Variants in BMP2K observed in about 807,000 individuals in gnomAD.
BMP2K encodes the protein BMP-2-inducible protein kinase.
A neutral mutation model predicts 116.0 loss-of-function variants in BMP2K; 74 were observed. That is an observed-to-expected ratio of 0.64 (90% confidence interval 0.53 to 0.77). The LOEUF (loss-of-function observed/expected upper bound fraction) is 0.77, where lower values mean the gene tolerates loss of function less well. BMP2K is among the 30% of genes least tolerant of loss of function. The pLI is 0.00. For missense variants in BMP2K, 1,365 were observed against 1,403.6 expected, an observed-to-expected ratio of 0.97 and a Z score of 0.44; for synonymous variants, 486 against 502.5, an observed-to-expected ratio of 0.97 and a Z score of 0.44.
intron 2 of BMP2K, among the ~76,000 whole-genome samples, chr4:78,827,489 G>A (rs972501701): frequency 7.2e-5 from 11 of 152,136 alleles, no homozygotes; most frequent in Admixed American, 2.6e-4. Context: ...CTGTGAGGGT[G>A]CAAAAGGAAC....
intron 1 of BMP2K, 138 bp from the exon 2 acceptor site, chr4:78,825,896 TCTA>T (rs1729845619): frequency 1.6e-6 from 1 of 618,116 alleles, no homozygotes; most frequent in Admixed American, 3.2e-5. Flanking sequence ...TGGCATTTAA[TCTA>T]CTAGTAGCTT....
intron 1 of BMP2K, among the ~76,000 whole-genome samples, chr4:78,814,965 A>G (rs1334729986): frequency 2.6e-5 from 4 of 152,112 alleles, no homozygotes; most frequent in African/African-American, 9.7e-5. Context: ...TAATTTTTCA[A>G]TGTTTTTTTC....
rs141736030 is a variant in BMP2K at position 78,790,797 on chromosome 4, A to G, written c.178+14076A>G. 6.4e-3 allele frequency among the ~76,000 whole-genome samples: 976 copies of G among 152,224 alleles called. 12 individuals carry two copies. Among genetic ancestry groups the G allele is most frequent in the African/African-American group, 0.022 (918 of 41,542 alleles). On this transcript the variant is annotated intron_variant, in intron 1 of 15. Transcript: ENST00000502613. ...GGCTGAGATGGAGTTTGAGACTGCA[A>G]TGAGCTGTGATTGTTCCACTGCACT...
chr4:78,889,220 CAAAAAAAAA>C (rs71661191), intron 15 of BMP2K, among the ~76,000 whole-genome samples: 767 of 53,740 alleles, frequency 0.014, 25 homozygotes, highest in Admixed American at 0.095. Flanking sequence ...GACTCTGTCT[CAAAAAAAAA>C]AAAAAAAAAA....
intron 1 of BMP2K, among the ~76,000 whole-genome samples, chr4:78,792,151 A>G (rs192222984): frequency 1.3e-5 from 2 of 152,312 alleles, no homozygotes; most frequent in East Asian, 1.9e-4. Flanking sequence ...AGTGTTATCT[A>G]TCTCATGAGA....
Position 78,799,478 on chromosome 4 carries a change from A to G in BMP2K, c.178+22757A>G, listed in dbSNP as rs149238170. ...TTTCATAGTGGTTATAGGTATTTATAATCAGCATGAAAATATTAGAAAGTG... is the reference window on the plus strand; with the variant it reads ...TTTCATAGTGGTTATAGGTATTTATGATCAGCATGAAAATATTAGAAAGTG... On this transcript the variant is annotated intron_variant, in intron 1 of 15. Transcript: ENST00000502613. Among the ~76,000 whole-genome samples, 553 of 152,344 alleles carry G rather than the reference A, an allele frequency of 3.6e-3. 1 individual carries two copies. The highest frequency in any genetic ancestry group is 0.013 in the African/African-American group (535 of 41,580).
intron 15 of BMP2K, among the ~76,000 whole-genome samples, chr4:78,901,212 TTTTTA>T (rs935034232): frequency 2.6e-5 from 4 of 151,380 alleles, no homozygotes; most frequent in Non-Finnish European, 4.4e-5. Context: ...CTCAGCTACT[TTTTTA>T]TTTTATTTTA....
chr4:78,888,060 C>T (rs1295787024), intron 15 of BMP2K: 1 of 152,184 alleles, frequency 6.6e-6, no homozygotes, highest in Admixed American at 6.5e-5. Flanking sequence ...GAAAAACTTA[C>T]AAATGTAAAG....
At chr4:78,898,533 A>G (rs1053464085) in intron 15 of BMP2K, among the ~76,000 whole-genome samples, 3 of 151,038 alleles carry the variant, frequency 2.0e-5, no homozygotes, top group Admixed American at 6.6e-5. Flanking sequence ...CAGGAAAGGA[A>G]TATGATTAAT....
intron 12 of BMP2K, chr4:78,872,345 A>G (rs928236428): frequency 5.0e-6 from 1 of 201,210 alleles, no homozygotes; most frequent in Non-Finnish European, 8.8e-6. Flanking sequence ...CAACCACTAT[A>G]TTAGTGACTT....
In BMP2K at chr4:78,776,572, C is replaced by T. The variant is rs928333815; in HGVS notation, c.29C>T (p.Ser10Leu). The T allele has an allele frequency of 1.7e-6, 2 of 1,144,134 alleles. No homozygotes were observed. Among genetic ancestry groups the T allele is most frequent in the Admixed American group, 4.8e-5 (1 of 20,714 alleles). The allele number at this position is 1,144,134 out of a possible 1,614,324, so 70.9% of individuals were successfully genotyped here. ...AAGAAGTTCTCTCGGATGCCCAAGT[C>T]GGAGGGCGGCAGCGGCGGCGGAGCG... The part of the protein sequence containing the change: MKKFSRMPK[S>L]EGGSGGGAAG... The change falls in exon 1 of 16, where the codon TCG becomes TTG. Residue 10 changes from serine (S) to leucine (L), a missense_variant. Transcript: ENST00000502613.
chr4:78,865,807 T>A, intron 10 of BMP2K, 87 bp downstream of exon 10: 1 of 1,340,452 alleles, frequency 7.5e-7, no homozygotes, highest in Non-Finnish European at 1.0e-6. Context: ...AGGTGATCCT[T>A]AATATTGTAA....
At position 78,910,904 on chromosome 4, in the gene BMP2K, C is replaced by T; in HGVS notation, c.2357C>T (p.Pro786Leu). 1.3e-5 allele frequency: 21 copies of T among 1,613,946 alleles called. No homozygotes were observed. The highest frequency in any genetic ancestry group is 1.7e-5 in the Non-Finnish European group (20 of 1,179,870). ...DTEPENLGHRPLLMDSEDEEE... is the reference protein window; with the variant it reads ...DTEPENLGHRLLLMDSEDEEE... ...GAACCAGAAAATCTGGGTCATAGGC[C>T]TCTCCTCATGGATTCTGAAGATGAG... The change falls in exon 16 of 16, where the codon CCT becomes CTT. Residue 786 changes from proline to leucine, a missense_variant. Transcript: ENST00000502613.
At chr4:78,896,431 G>A (rs547035217) in intron 15 of BMP2K, among the ~76,000 whole-genome samples, 2 of 152,210 alleles carry the variant, frequency 1.3e-5, no homozygotes, top group African/African-American at 2.4e-5. Flanking sequence ...TTTGACCCAG[G>A]CAAATCACCT....
At chr4:78,804,064 GA>G (rs1474908736) in intron 1 of BMP2K, among the ~76,000 whole-genome samples, 1 of 152,120 alleles carries the variant, frequency 6.6e-6, no homozygotes, top group Non-Finnish European at 1.5e-5. Flanking sequence ...ACTAATTCTA[GA>G]ACATTTTCAT....
In BMP2K at chr4:78,910,679, A is replaced by G. The variant is rs745665309; in HGVS notation, c.2132A>G (p.Asn711Ser). 2 of 1,606,150 alleles carry G rather than the reference A, an allele frequency of 1.2e-6. No homozygotes were observed. Among genetic ancestry groups the G allele is most frequent in the African/African-American group, 1.3e-5 (1 of 74,370 alleles). Residue 711 changes from asparagine (N) to serine (S), a missense_variant, in exon 16 of 16, where the codon AAC becomes AGC. By Grantham distance (46) the Asn-to-Ser change is conservative (BLOSUM62 1). This residue lies in a region of BMP2K where 596 missense variants were observed against 623.2 expected (regional missense o/e 0.96). Coordinates refer to ENST00000502613, the MANE Select transcript of BMP2K (RefSeq NM_198892.2). ...QENGTANPIK[N>S]GKTSPASKDQ... ...AATGGCACTGCAAACCCTATCAAGA[A>G]CGGTAAAACAAGTCCAGCATCTAAA...
intron 1 of BMP2K, among the ~76,000 whole-genome samples, chr4:78,807,415 T>C (rs530243615): frequency 6.6e-6 from 1 of 152,296 alleles, no homozygotes; most frequent in East Asian, 1.9e-4. Context: ...TTGTGATTTA[T>C]TTTTCTGGCT....
At chr4:78,882,627 C>CAAT (rs1455176667) in intron 14 of BMP2K, among the ~76,000 whole-genome samples, 1 of 151,772 alleles carries the variant, frequency 6.6e-6, no homozygotes, top group Non-Finnish European at 1.5e-5. Context: ...AAATTATTAA[C>CAAT]ATATTTGTGC....
chr4:78,785,805 A>G (rs1727698828), intron 1 of BMP2K, among the ~76,000 whole-genome samples: 1 of 152,158 alleles, frequency 6.6e-6, no homozygotes, highest in Non-Finnish European at 1.5e-5. Flanking sequence ...CGTTTAGAGA[A>G]TTATATTAGC....
Sources: allele counts gnomAD v4.1 joint callset (sites outside exome capture counted in the v4.1 genomes callset), GRCh38; gene constraint gnomAD v4.1.1; regional missense constraint gnomAD v4.1.1; transcripts MANE v1.5; gene names NCBI Gene and HGNC (gene_info 2026-07-23, HGNC 2026-07-21).